Variants in TMEM185A observed in about 807,000 individuals in gnomAD.
TMEM185A encodes the protein transmembrane protein 185A.
In TMEM185A, 9 loss-of-function variants were observed where a neutral mutation model predicts 25.0. That is an observed-to-expected ratio of 0.36 (90% CI 0.22 to 0.63). TMEM185A has a LOEUF of 0.63. Ranked by LOEUF, TMEM185A falls within the 20% of genes least tolerant of loss-of-function variation. TMEM185A has a pLI of 0.68. For missense variants in TMEM185A, 103 were observed against 237.4 expected (o/e 0.43, Z 3.72); for synonymous variants, 45 against 93.5 (o/e 0.48, Z 2.99).
At chrX:149,630,395 A>T (rs2090185022) in intron 1 of TMEM185A, among the ~76,000 whole-genome samples, 1 of 111,648 alleles carries the variant, frequency 9.0e-6, no homozygotes, top group Non-Finnish European at 1.9e-5. Flanking sequence ...AGCACTGCAC[A>T]GTACTGTAAG....
intron 1 of TMEM185A, among the ~76,000 whole-genome samples, chrX:149,613,444 G>A (rs1331978529): frequency 8.9e-6 from 1 of 111,996 alleles, no homozygotes; most frequent in Non-Finnish European, 1.9e-5. Context: ...AGAATAACTC[G>A]CAGCTGACAG....
At chrX:149,603,116 T>TA (rs2090026363) in intron 4 of TMEM185A, among the ~76,000 whole-genome samples, 1 of 111,740 alleles carries the variant, frequency 8.9e-6, no homozygotes, top group East Asian at 2.8e-4. Flanking sequence ...TCCATGCATT[T>TA]AATAGTGGAA....
intron 3 of TMEM185A, among the ~76,000 whole-genome samples, chrX:149,606,278 T>TA (rs2090050823): frequency 8.9e-6 from 1 of 112,610 alleles, no homozygotes; most frequent in Admixed American, 9.3e-5. Flanking sequence ...CCCAGCTTCT[T>TA]AAAGATACGA....
At chrX:149,628,031 G>A (rs782422308) in intron 1 of TMEM185A, among the ~76,000 whole-genome samples, 1 of 111,870 alleles carries the variant, frequency 8.9e-6, no homozygotes, top group African/African-American at 3.3e-5. Flanking sequence ...AAACACTACT[G>A]ATCTCATCAG....
At chrX:149,619,752 G>A (rs2090130484) in intron 1 of TMEM185A, among the ~76,000 whole-genome samples, 1 of 109,002 alleles carries the variant, frequency 9.2e-6, no homozygotes, top group Non-Finnish European at 1.9e-5. Context: ...AACATGTGGT[G>A]TTTGGTTTTT....
chrX:149,616,434 GT>G (rs1173766718), intron 1 of TMEM185A, among the ~76,000 whole-genome samples: 1 of 111,809 alleles, frequency 8.9e-6, no homozygotes, highest in Non-Finnish European at 1.9e-5. Context: ...TCTATTACTT[GT>G]TTTTTTCCAG....
chrX:149,617,653 G>C (rs2124224163), intron 1 of TMEM185A, among the ~76,000 whole-genome samples: 1 of 111,215 alleles, frequency 9.0e-6, no homozygotes, highest in South Asian at 3.8e-4. Flanking sequence ...CTTATTCTAT[G>C]GCCCAGCAAT....
chrX:149,606,973 G>T (rs2090055558), intron 3 of TMEM185A, among the ~76,000 whole-genome samples: 1 of 111,641 alleles, frequency 9.0e-6, no homozygotes, highest in Non-Finnish European at 1.9e-5. Flanking sequence ...ACTGGGAATT[G>T]TAGGGAGGGT....
intron 1 of TMEM185A, among the ~76,000 whole-genome samples, chrX:149,626,104 C>T (rs906601948): frequency 1.8e-5 from 2 of 112,418 alleles, no homozygotes; most frequent in Admixed American, 1.9e-4. Flanking sequence ...TAAAATAAGG[C>T]TGATACCTAA....
chrX:149,631,718 T>TGCCGCC lies in TMEM185A; in HGVS notation c.-139_-138insGGCGGC, dbSNP rs2090195255. ...CTCCCGCTACTGCTGCCGTCCCCGC[T>TGCCGCC]GCCGTCGCCGTCGCCGTCGCCGCCG... On this transcript the variant is annotated 5_prime_UTR_variant, in exon 1 of 7. Transcript: ENST00000600449. 1.7e-6 allele frequency: 1 copy of TGCCGCC among 592,856 alleles called. No homozygotes were observed. The allele number at this position is 592,856 out of a possible 1,213,427, so 48.9% of individuals were successfully genotyped here.
chrX:149,631,645 C>T lies in TMEM185A; in HGVS notation c.-65G>A. On this transcript the variant is annotated 5_prime_UTR_variant, in exon 1 of 7. Transcript: ENST00000600449. The stretch of plus-strand genomic sequence containing the variant: ...CGCACCCCGTGCTGCACAGCCTGCG[C>T]CTTACAGCGGGTTCATGGCGCCAGC... 1 of 1,048,393 alleles carries T rather than the reference C, an allele frequency of 9.5e-7. No homozygotes were observed. The highest frequency in any genetic ancestry group is 1.3e-6 in the Non-Finnish European group (1 of 789,705). 86.4% of individuals were successfully genotyped at this position (1,048,393 alleles called of 1,213,427 possible).
At chrX:149,603,915 C>G in intron 4 of TMEM185A, 72 bp downstream of exon 4, 1 of 937,970 alleles carries the variant, frequency 1.1e-6, no homozygotes, top group Non-Finnish European at 1.5e-6. Context: ...CTTTTCCAAG[C>G]TTTGTACAGT....
At chrX:149,628,966 G>A (rs1383257478) in intron 1 of TMEM185A, among the ~76,000 whole-genome samples, 1 of 112,001 alleles carries the variant, frequency 8.9e-6, no homozygotes, top group African/African-American at 3.2e-5. Flanking sequence ...TGCAGGCTAC[G>A]ATACTGACAC....
intron 3 of TMEM185A, chrX:149,605,175 T>C (rs1264330699): frequency 2.7e-5 from 3 of 113,061 alleles, no homozygotes; most frequent in African/African-American, 6.4e-5. Flanking sequence ...CAGCTGTGCA[T>C]AGGCCACTCG....
chrX:149,602,357 A>G (rs1196152979), intron 4 of TMEM185A: 1 of 112,243 alleles, frequency 8.9e-6, no homozygotes, highest in African/African-American at 3.2e-5. Context: ...TTATTTCCTA[A>G]CAGATCTATA....
intron 1 of TMEM185A, among the ~76,000 whole-genome samples, chrX:149,618,885 T>C (rs2090124753): frequency 8.9e-6 from 1 of 112,278 alleles, no homozygotes; most frequent in Non-Finnish European, 1.9e-5. Flanking sequence ...AATATCTATA[T>C]TTACATTCAT....
Position 149,598,704 on chromosome X carries a change from T to TG in TMEM185A, c.809-450dup, listed in dbSNP as rs1437226440. Among the ~76,000 whole-genome samples, 2 of 72,128 alleles carry TG rather than the reference T, an allele frequency of 2.8e-5. 1 individual carries two copies. Among genetic ancestry groups the TG allele is most frequent in the Non-Finnish European group, 4.6e-5 (2 of 43,111 alleles). 62.6% of individuals were successfully genotyped at this position (72,128 alleles called of 115,157 possible). On this transcript the variant is annotated intron_variant, in intron 6 of 6. Transcript: ENST00000600449. ...TCTCCAGCCAGGATAAACTCATGGA[T>TG]GACAGTGCCACCCAAGAACAAGATT...
chrX:149,605,724 A>C (rs1319791194), intron 3 of TMEM185A, among the ~76,000 whole-genome samples: 2 of 111,959 alleles, frequency 1.8e-5, no homozygotes, highest in African/African-American at 6.5e-5. Context: ...TCCCGTGCCC[A>C]CTTCCTATCC....
At chrX:149,611,510 T>A in intron 1 of TMEM185A, 47 bp from the exon 2 acceptor site, 1 of 1,107,646 alleles carries the variant, frequency 9.0e-7, no homozygotes, top group East Asian at 3.0e-5. Flanking sequence ...TTTACAAATA[T>A]GTGATACTGA....
Sources: allele counts gnomAD v4.1 joint callset (sites outside exome capture counted in the v4.1 genomes callset), GRCh38; gene constraint gnomAD v4.1.1; transcripts MANE v1.5; gene names NCBI Gene and HGNC (gene_info 2026-07-23, HGNC 2026-07-21).